The following ZBTB41 variants were observed in gnomAD, a reference collection of about 807,000 sequenced individuals.
ZBTB41 encodes zinc finger and BTB domain-containing protein 41.
A neutral mutation model predicts 87.6 loss-of-function variants in ZBTB41; 42 were observed. The observed-to-expected ratio is 0.48, with a 90% confidence interval of 0.37 to 0.62. The LOEUF (loss-of-function observed/expected upper bound fraction) is 0.62, where lower values mean the gene tolerates loss of function less well. Ranked by LOEUF, ZBTB41 falls within the 20% of genes least tolerant of loss-of-function variation. The pLI, the probability that ZBTB41 is intolerant of heterozygous loss-of-function variation, is 0.00. For missense variants in ZBTB41, 799 were observed against 1,078.9 expected, an observed-to-expected ratio of 0.74 and a Z score of 3.63; for synonymous variants, 364 against 364.0, an observed-to-expected ratio of 1.00 and a Z score of 0.00.
intron 6 of ZBTB41, 134 bp from the exon 7 acceptor site, chr1:197,178,646 T>C (rs1659669357): frequency 1.8e-6 from 1 of 570,742 alleles, no homozygotes. Context: ...ACAATAATTT[T>C]GTTCTTTTCT....
In ZBTB41 at chr1:197,172,214, TACAA is replaced by T. The variant is rs1659499531; in HGVS notation, c.2016_2019del (p.Cys673ArgfsTer38). On this transcript the variant is annotated frameshift_variant, in exon 10 of 11. Transcript: ENST00000367405. LOFTEE classifies it high-confidence loss of function. ...CTTGATTTGCCTTTAAAAATTTTCTTACAAACATCACATTGATGAAATGTTGCTT... is the reference window on the plus strand; with the variant it reads ...CTTGATTTGCCTTTAAAAATTTTCTTACATCACATTGATGAAATGTTGCTT... 1 of 1,429,996 alleles carries T rather than the reference TACAA, an allele frequency of 7.0e-7. No homozygotes were observed. The highest frequency in any genetic ancestry group is 1.4e-5 in the African/African-American group (1 of 69,144). The allele number at this position is 1,429,996 out of a possible 1,614,324, so 88.6% of individuals were successfully genotyped here.
chr1:197,165,118 T>C (rs1659304919), intron 10 of ZBTB41, among the ~76,000 whole-genome samples: 1 of 150,812 alleles, frequency 6.6e-6, no homozygotes, highest in African/African-American at 2.4e-5. Context: ...ATGAAGAATG[T>C]AGAATATTTG....
intron 10 of ZBTB41, among the ~76,000 whole-genome samples, chr1:197,171,198 A>C (rs1659467592): frequency 6.6e-6 from 1 of 152,118 alleles, no homozygotes; most frequent in Admixed American, 6.6e-5. Flanking sequence ...TTATTTACAA[A>C]AGATATGGAA....
intron 10 of ZBTB41, among the ~76,000 whole-genome samples, chr1:197,163,115 T>A (rs1659237520): frequency 6.6e-6 from 1 of 152,052 alleles, no homozygotes; most frequent in South Asian, 2.1e-4. Flanking sequence ...ATGCAGTCAG[T>A]AGAGACCCCA....
intron 5 of ZBTB41, among the ~76,000 whole-genome samples, 185 bp downstream of exon 5, chr1:197,188,107 C>T (rs1295373975): frequency 6.6e-6 from 1 of 152,154 alleles, no homozygotes; most frequent in Non-Finnish European, 1.5e-5. Flanking sequence ...GGAGGCTGTG[C>T]ATATGTGGAG....
At chr1:197,196,369 A>G (rs1025080988) in intron 2 of ZBTB41, among the ~76,000 whole-genome samples, 4 of 152,166 alleles carry the variant, frequency 2.6e-5, no homozygotes, top group South Asian at 2.1e-4. Flanking sequence ...ACTCATCACC[A>G]GTCTACTTAG....
Position 197,157,828 on chromosome 1 carries a change from A to T in ZBTB41, c.*1531T>A, listed in dbSNP as rs1290784801. 1 of 152,306 alleles carries T rather than the reference A, an allele frequency of 6.6e-6. No homozygotes were observed. The highest frequency in any genetic ancestry group is 1.5e-5 in the Non-Finnish European group (1 of 67,832). 9.4% of individuals were successfully genotyped at this position (152,306 alleles called of 1,614,324 possible). On this transcript the variant is annotated 3_prime_UTR_variant, in exon 11 of 11. Transcript: ENST00000367405. ...AGTTTCCGCCATTACTAATTGATTA[A>T]ACTTTATTCATTAAAACTTCACTGT...
At chr1:197,193,466 G>A (rs985513738) in intron 2 of ZBTB41, among the ~76,000 whole-genome samples, 4 of 152,062 alleles carry the variant, frequency 2.6e-5, no homozygotes, top group Non-Finnish European at 4.4e-5. Flanking sequence ...ATTATCATAC[G>A]GGTTACTAGT....
Position 197,172,083 on chromosome 1 carries a change from C to T in ZBTB41, c.2074+77G>A. On this transcript the variant is annotated intron_variant, in intron 10 of 10. Transcript: ENST00000367405. Reference sequence around the variant, plus strand: ...ACCAAGAACAACAAAGTTTAAATGCCTATATTTTACTTCTGATTACACTAT... The same window carrying T: ...ACCAAGAACAACAAAGTTTAAATGCTTATATTTTACTTCTGATTACACTAT... The T allele has an allele frequency of 5.6e-6, 3 of 540,486 alleles. No homozygotes were observed. The East Asian group carries it at 1.2e-4, about 21-fold the overall frequency. 33.5% of individuals were successfully genotyped at this position (540,486 alleles called of 1,614,324 possible).
chr1:197,170,082 A>G (rs1047912881), intron 10 of ZBTB41, among the ~76,000 whole-genome samples: 1 of 152,032 alleles, frequency 6.6e-6, no homozygotes. Flanking sequence ...ATTTGAAGCA[A>G]TTAGGTGTAC....
chr1:197,200,438 C>G lies in ZBTB41; in HGVS notation c.36G>C (p.Glu12Asp). The G allele has an allele frequency of 6.2e-7, 1 of 1,602,770 alleles. No individual in the cohort carries two copies. Among genetic ancestry groups the G allele is most frequent in the Non-Finnish European group, 8.5e-7 (1 of 1,176,634 alleles). ...CTTTATGATAGCCTAGATGGATCTT[C>G]TCAAGATTTGAAGTAACCTTTCTCC... ...KKRRKVTSNL[E>D]KIHLGYHKDS... Residue 12 changes from glutamate to aspartate, a missense_variant, in exon 2 of 11, where the codon GAG (glutamate) becomes GAC (aspartate). Physicochemically the swap from Glu to Asp is conservative, Grantham distance 45 (BLOSUM62 2). Transcript: ENST00000367405.
intron 10 of ZBTB41, among the ~76,000 whole-genome samples, chr1:197,169,201 T>G (rs1659421029): frequency 6.6e-6 from 1 of 151,988 alleles, no homozygotes; most frequent in South Asian, 2.1e-4. Flanking sequence ...ATGCATATCC[T>G]ATGAGCCAGG....
intron 7 of ZBTB41, among the ~76,000 whole-genome samples, chr1:197,177,741 G>C (rs1193777866): frequency 6.6e-6 from 1 of 151,994 alleles, no homozygotes; most frequent in Non-Finnish European, 1.5e-5. Flanking sequence ...GAAAGGAATA[G>C]CTTTCCCTTG....
At chr1:197,180,518 T>G (rs539004268) in intron 6 of ZBTB41, among the ~76,000 whole-genome samples, 33 of 151,416 alleles carry the variant, frequency 2.2e-4, no homozygotes, top group Admixed American at 8.5e-4. Flanking sequence ...TATGACAGTC[T>G]GTAGATAACA....
chr1:197,192,317 T>C (rs1660055852), intron 2 of ZBTB41, among the ~76,000 whole-genome samples: 2 of 152,210 alleles, frequency 1.3e-5, no homozygotes. Context: ...TGTGGGTCCA[T>C]ACACCTGGAT....
chr1:197,200,322 T>TA lies in ZBTB41; in HGVS notation c.151dup (p.Tyr51LeufsTer20). ...ATCTGGAGAGGGAGGAAGTTCCTGG[T>TA]AACAGTGAAGAGCTTCAGGAGTTGG... On this transcript the variant is annotated frameshift_variant, in exon 2 of 11. Transcript: ENST00000367405. LOFTEE classifies it high-confidence loss of function. 6.2e-7 allele frequency: 1 copy of TA among 1,614,188 alleles called. No homozygotes were observed. The highest frequency in any genetic ancestry group is 8.5e-7 in the Non-Finnish European group (1 of 1,180,028).
At chr1:197,186,040 T>C (rs1399183783) in intron 5 of ZBTB41, among the ~76,000 whole-genome samples, 2 of 151,538 alleles carry the variant, frequency 1.3e-5, no homozygotes, top group Non-Finnish European at 2.9e-5. Context: ...AAAAATAAGG[T>C]TGGAGGGCTG....
rs67302873 is a variant in ZBTB41, at chr1:197,175,431, A to AATAT, written c.1880-320_1880-317dup. Among the ~76,000 whole-genome samples the AATAT allele has an allele frequency of 1.6e-3, 113 of 71,592 alleles. 4 individuals carry two copies. In the East Asian group the frequency reaches 0.017, roughly 11 times the overall value. The allele number at this position is 71,592 out of a possible 152,430, so 47.0% of individuals were successfully genotyped here. On this transcript the variant is annotated intron_variant, in intron 8 of 10. Transcript: ENST00000367405. Reference sequence around the variant, plus strand: ...ACTACTTCAAAACTTAGGAATTTTAAATATATATATATATATATGTCTGTA... The same window carrying AATAT: ...ACTACTTCAAAACTTAGGAATTTTAAATATATATATATATATATATATGTCTGTA...
chr1:197,156,960 A>G lies in ZBTB41; in HGVS notation c.*2399T>C, dbSNP rs1219561017. On this transcript the variant is annotated 3_prime_UTR_variant, in exon 11 of 11. Transcript: ENST00000367405. ...TTATCTTAACCTCAAATTCTTTATA[A>G]AGTGGGAATATAGCTTGTTTTTACT... 1 of 152,160 alleles carries G rather than the reference A, an allele frequency of 6.6e-6. No individual in the cohort carries two copies. The highest frequency in any genetic ancestry group is 1.5e-5 in the Non-Finnish European group (1 of 67,704). 9.4% of individuals were successfully genotyped at this position (152,160 alleles called of 1,614,324 possible). A position where few individuals can be genotyped will look rare whatever the true frequency, so the allele number is the denominator to read the frequency against.
Sources: gnomAD v4.1 joint callset for allele counts (sites outside exome capture counted in the v4.1 genomes callset) on GRCh38, gnomAD v4.1.1 for gene constraint, MANE v1.5 for transcripts, NCBI Gene and HGNC (gene_info 2026-07-23, HGNC 2026-07-21) for gene names.